Variants in MEF2A observed in about 807,000 individuals in gnomAD.
MEF2A encodes the protein myocyte enhancer factor 2A.
MEF2A carries 28 observed loss-of-function variants against 55.8 expected under a neutral mutation model. That is an observed-to-expected ratio of 0.50 (90% CI 0.37 to 0.69). The LOEUF (loss-of-function observed/expected upper bound fraction) is 0.69, where lower values mean the gene tolerates loss of function less well. MEF2A is among the 30% of genes least tolerant of loss of function. The probability of loss-of-function intolerance (pLI) is 0.00; values close to 1 mark genes in which losing one functional copy is unlikely to be tolerated. For missense variants in MEF2A, 528 were observed against 626.2 expected (o/e 0.84, Z 1.67); for synonymous variants, 239 against 227.1 (o/e 1.05, Z -0.47).
chr15:99,701,248 A>G (rs1329333370), intron 8 of MEF2A, among the ~76,000 whole-genome samples: 1 of 152,234 alleles, frequency 6.6e-6, no homozygotes, highest in African/African-American at 2.4e-5. Flanking sequence ...GCCTTCCAAT[A>G]TGACATGCTA....
chr15:99,704,529 T>C (rs896733450), intron 9 of MEF2A, among the ~76,000 whole-genome samples: 2 of 152,214 alleles, frequency 1.3e-5, no homozygotes, highest in African/African-American at 4.8e-5. Flanking sequence ...TGTGAATGCG[T>C]CCATGAATTA....
chr15:99,678,287 A>AT (rs1254846763), intron 7 of MEF2A, among the ~76,000 whole-genome samples: 2 of 152,150 alleles, frequency 1.3e-5, no homozygotes, highest in African/African-American at 4.8e-5. Context: ...CCTCTATATG[A>AT]TTAAGTTCTC....
At chr15:99,629,852 ATCGCTTGAACCGTGG>A in intron 2 of MEF2A, among the ~76,000 whole-genome samples, 1 of 152,022 alleles carries the variant, frequency 6.6e-6, no homozygotes, top group Non-Finnish European at 1.5e-5. Flanking sequence ...AGGCAGGAGA[ATCGCTTGAACCGTGG>A]AAGCGGAAGT....
At chr15:99,621,908 G>A (rs2041249600) in intron 2 of MEF2A, among the ~76,000 whole-genome samples, 2 of 152,022 alleles carry the variant, frequency 1.3e-5, no homozygotes, top group South Asian at 4.2e-4. Flanking sequence ...ATCAAAATGG[G>A]GTGTTCTGAT....
At chr15:99,627,575 C>A (rs903195282) in intron 2 of MEF2A, among the ~76,000 whole-genome samples, 1 of 151,804 alleles carries the variant, frequency 6.6e-6, no homozygotes, top group East Asian at 1.9e-4. Flanking sequence ...ACTCAGTAGT[C>A]TAACAAACTG....
intron 1 of MEF2A, among the ~76,000 whole-genome samples, chr15:99,594,188 G>T (rs534936185): frequency 6.6e-6 from 1 of 152,156 alleles, no homozygotes; most frequent in African/African-American, 2.4e-5. Flanking sequence ...CAGTACTTCT[G>T]ATCAATTGGC....
intron 1 of MEF2A, among the ~76,000 whole-genome samples, chr15:99,572,081 A>G (rs139117043): frequency 6.9e-6 from 1 of 143,924 alleles, no homozygotes; most frequent in Non-Finnish European, 1.5e-5. Flanking sequence ...ATTGGATCAT[A>G]TCATTTCTCT....
At chr15:99,622,702 C>CTTTTTTTTTTTTTTTTTTTTTTTTT (rs56054040) in intron 2 of MEF2A, among the ~76,000 whole-genome samples, 1 of 135,696 alleles carries the variant, frequency 7.4e-6, no homozygotes. Context: ...GTTTTCTTTT[C>CTTTTTTTTTTTTTTTTTTTTTTTTT]TTTTTTTTTT....
At chr15:99,602,023 T>G (rs1384341737) in intron 2 of MEF2A, among the ~76,000 whole-genome samples, 2 of 152,106 alleles carry the variant, frequency 1.3e-5, no homozygotes, top group Non-Finnish European at 2.9e-5. Flanking sequence ...CAGCGGTGAA[T>G]CTGCATGGGT....
chr15:99,653,680 G>A (rs1013603896), intron 4 of MEF2A, among the ~76,000 whole-genome samples: 1 of 152,106 alleles, frequency 6.6e-6, no homozygotes, highest in Non-Finnish European at 1.5e-5. Flanking sequence ...TAAAACATGA[G>A]AAGGTAAACC....
intron 2 of MEF2A, among the ~76,000 whole-genome samples, chr15:99,607,160 A>G (rs776052040): frequency 2.0e-5 from 3 of 152,230 alleles, no homozygotes; most frequent in Non-Finnish European, 2.9e-5. Context: ...CATGAAACGG[A>G]AAATGAATAA....
chr15:99,574,588 C>G (rs1283627361), intron 1 of MEF2A, among the ~76,000 whole-genome samples: 2 of 152,104 alleles, frequency 1.3e-5, no homozygotes. Context: ...AACCTAGATC[C>G]TTTGCATGTG....
chr15:99,683,122 G>A (rs1165991561), intron 7 of MEF2A, among the ~76,000 whole-genome samples: 1 of 152,206 alleles, frequency 6.6e-6, no homozygotes, highest in Non-Finnish European at 1.5e-5. Flanking sequence ...ATGGCCTGGT[G>A]AAGTGGTTGT....
intron 4 of MEF2A, among the ~76,000 whole-genome samples, chr15:99,664,228 C>G (rs1359311238): frequency 6.6e-6 from 1 of 152,168 alleles, no homozygotes; most frequent in Non-Finnish European, 1.5e-5. Flanking sequence ...CTTCCTCATG[C>G]TTCTTTGATT....
chr15:99,582,621 G>C (rs1413682524), intron 1 of MEF2A, among the ~76,000 whole-genome samples: 1 of 151,934 alleles, frequency 6.6e-6, no homozygotes, highest in Non-Finnish European at 1.5e-5. Context: ...CCTTTACATT[G>C]CTGTCTTACA....
rs1055020490 is a variant in MEF2A, at chr15:99,584,006, A to G, written c.-224-14424A>G. ...TATAGCCTATTGCTCCTAGTCTACA[A>G]ACCTTTACAGCATGTTACTCTGCTG... On this transcript the variant is annotated intron_variant, in intron 1 of 11. Transcript: ENST00000557942. Among the ~76,000 whole-genome samples, 13 of 152,288 alleles carry G rather than the reference A, an allele frequency of 8.5e-5. No homozygotes were observed. In the East Asian group the frequency reaches 1.9e-3, roughly 23 times the overall value.
intron 7 of MEF2A, among the ~76,000 whole-genome samples, chr15:99,688,712 G>C (rs1387313010): frequency 6.6e-6 from 1 of 152,144 alleles, no homozygotes; most frequent in Non-Finnish European, 1.5e-5. Context: ...AGCCGAGATC[G>C]CGCTGCTGCA....
At chr15:99,697,547 TGAA>T (rs1198425228) in intron 8 of MEF2A, among the ~76,000 whole-genome samples, 1 of 152,118 alleles carries the variant, frequency 6.6e-6, no homozygotes, top group Non-Finnish European at 1.5e-5. Context: ...GTCTGTATGT[TGAA>T]GACTGCAAAA....
intron 4 of MEF2A, among the ~76,000 whole-genome samples, chr15:99,652,140 C>T (rs2046951038): frequency 1.3e-5 from 2 of 152,104 alleles, no homozygotes; most frequent in South Asian, 4.1e-4. Context: ...GATGCTATCA[C>T]CAGAGTTCTT....
Sources: allele counts gnomAD v4.1 joint callset (sites outside exome capture counted in the v4.1 genomes callset), GRCh38; gene constraint gnomAD v4.1.1; transcripts MANE v1.5; gene names NCBI Gene and HGNC (gene_info 2026-07-23, HGNC 2026-07-21).